RPSA2: variants seen among roughly 807,000 people sequenced by gnomAD.
The protein encoded by RPSA2 is ribosomal protein SA 2, also known as small ribosomal subunit protein uS2B.
the RPSA2 span, among the ~76,000 whole-genome samples, chr19:23,854,781 T>C: frequency 6.6e-6 from 1 of 152,248 alleles, no homozygotes; most frequent in Non-Finnish European, 1.5e-5. Flanking sequence ...CCAGTTTGAT[T>C]GCCATCCTTC....
At chr19:23,772,579 C>T in the RPSA2 span, among the ~76,000 whole-genome samples, 1 of 152,102 alleles carries the variant, frequency 6.6e-6, no homozygotes, top group Non-Finnish European at 1.5e-5. Flanking sequence ...AGAATTGCCA[C>T]CCTCCCACAT....
the RPSA2 span, chr19:23,818,809 A>T: frequency 6.5e-6 from 1 of 152,774 alleles, no homozygotes; most frequent in Non-Finnish European, 1.5e-5. Flanking sequence ...GTTCTAGGTA[A>T]GGACTTTGGG....
the RPSA2 span, among the ~76,000 whole-genome samples, chr19:23,833,832 C>G: frequency 3.3e-5 from 5 of 152,004 alleles, no homozygotes; most frequent in Non-Finnish European, 7.4e-5. Flanking sequence ...AATACCTTTA[C>G]TTGTATCAGA....
the RPSA2 span, among the ~76,000 whole-genome samples, chr19:23,788,788 C>A: frequency 2.6e-5 from 4 of 152,160 alleles, no homozygotes; most frequent in Admixed American, 1.3e-4. Flanking sequence ...GGGCCCTGCC[C>A]ACAGGTGGCC....
chr19:23,823,838 C>T, the RPSA2 span: 4 of 152,468 alleles, frequency 2.6e-5, no homozygotes, highest in Non-Finnish European at 5.9e-5. Context: ...TAGCTGATCC[C>T]TTCTTCAGGT....
At chr19:23,801,077 T>G in the RPSA2 span, among the ~76,000 whole-genome samples, 4 of 152,196 alleles carry the variant, frequency 2.6e-5, no homozygotes, top group Non-Finnish European at 5.9e-5. Flanking sequence ...TCTCCACTTC[T>G]CTTTTTCTCC....
chr19:23,763,593 C>T, the RPSA2 span, among the ~76,000 whole-genome samples: 2 of 152,134 alleles, frequency 1.3e-5, no homozygotes, highest in Non-Finnish European at 2.9e-5. Flanking sequence ...CTCCGCCTCC[C>T]GAGAAGCTGG....
chr19:23,827,595 T>C, the RPSA2 span: 4,875 of 1,588,610 alleles, frequency 3.1e-3, 26 homozygotes, highest in South Asian at 0.015. Flanking sequence ...CTACCTACCA[T>C]TGCGCTGTGT....
the RPSA2 span, among the ~76,000 whole-genome samples, chr19:23,773,504 G>A: frequency 1.3e-5 from 2 of 152,028 alleles, no homozygotes; most frequent in African/African-American, 4.8e-5. Flanking sequence ...GGATGGTCTC[G>A]ATCTCCTGAC....
At chr19:23,869,640 C>A in the RPSA2 span, among the ~76,000 whole-genome samples, 1 of 152,164 alleles carries the variant, frequency 6.6e-6, no homozygotes, top group Non-Finnish European at 1.5e-5. Flanking sequence ...CTTCTTTATA[C>A]CACACCGGGA....
the RPSA2 span, among the ~76,000 whole-genome samples, chr19:23,785,789 C>G: frequency 6.6e-6 from 1 of 152,152 alleles, no homozygotes; most frequent in South Asian, 2.1e-4. Flanking sequence ...ACTCTCATAC[C>G]TCAAACCATC....
the RPSA2 span, among the ~76,000 whole-genome samples, chr19:23,775,226 A>G: frequency 1.3e-5 from 2 of 152,184 alleles, no homozygotes; most frequent in Non-Finnish European, 2.9e-5. Flanking sequence ...TCATCCATGG[A>G]CAGAGCCTAC....
the RPSA2 span, among the ~76,000 whole-genome samples, chr19:23,867,833 A>C: frequency 7.6e-4 from 113 of 148,978 alleles, no homozygotes; most frequent in South Asian, 1.9e-3. Context: ...CCGTCTCAAA[A>C]AAAAAAAAAA....
At chr19:23,783,539 C>CAAA in the RPSA2 span, among the ~76,000 whole-genome samples, 438 of 130,980 alleles carry the variant, frequency 3.3e-3, 5 homozygotes, top group African/African-American at 0.012. Context: ...TGAGCACTGC[C>CAAA]AAAAAAAAAA....
the RPSA2 span, among the ~76,000 whole-genome samples, chr19:23,765,692 G>A: frequency 5.9e-5 from 9 of 152,146 alleles, no homozygotes; most frequent in Admixed American, 2.6e-4. Flanking sequence ...ATACCTGGGC[G>A]ATGAAGTAAT....
At chr19:23,780,710 G>C in the RPSA2 span, among the ~76,000 whole-genome samples, 1 of 152,074 alleles carries the variant, frequency 6.6e-6, no homozygotes, top group Non-Finnish European at 1.5e-5. Flanking sequence ...ATTTGAGATG[G>C]TAACTCTATA....
chr19:23,760,662 T>C, the RPSA2 span, among the ~76,000 whole-genome samples: 1 of 80,958 alleles, frequency 1.2e-5, no homozygotes, highest in East Asian at 2.2e-4. Context: ...TATATATATA[T>C]ATATATATTT....
chr19:23,846,595 A>G, the RPSA2 span, among the ~76,000 whole-genome samples: 1 of 152,122 alleles, frequency 6.6e-6, no homozygotes, highest in African/African-American at 2.4e-5. Flanking sequence ...TCAGGATAAG[A>G]CTTTATTTCT....
the RPSA2 span, chr19:23,828,171 A>G: frequency 1.6e-6 from 1 of 622,518 alleles, no homozygotes; most frequent in East Asian, 2.7e-5. Flanking sequence ...ATGACTACTT[A>G]TATGACCATA....
Sources: gnomAD v4.1 joint callset for allele counts (sites outside exome capture counted in the v4.1 genomes callset) on GRCh38, gnomAD v4.1.1 for gene constraint, MANE v1.5 for transcripts, NCBI Gene and HGNC (gene_info 2026-07-23, HGNC 2026-07-21) for gene names.